The following GCC2 variants were observed in gnomAD, a reference collection of about 807,000 sequenced individuals.
GCC2 encodes the protein GRIP and coiled-coil domain-containing protein 2.
A neutral mutation model predicts 210.6 loss-of-function variants in GCC2; 120 were observed. The observed-to-expected ratio is 0.57, with a 90% CI of 0.49 to 0.66. The LOEUF (loss-of-function observed/expected upper bound fraction) is 0.66. Ranked by LOEUF, GCC2 falls within the 30% of genes least tolerant of loss-of-function variation. The probability of loss-of-function intolerance (pLI) is 0.00; values close to 1 mark genes in which losing one functional copy is unlikely to be tolerated. For missense variants in GCC2, 1,868 were observed against 1,871.9 expected (o/e 1.00, Z 0.04); for synonymous variants, 703 against 652.7 (o/e 1.08, Z -1.17).
rs1682113356 is a variant in GCC2 at position 108,485,825 on chromosome 2, C to G, written c.3715-6C>G. ...AAAAAATTTAACCAAGATTCTCATTCTATAGGAAACTGATCACTTAATACT... is the reference window on the plus strand; with the variant it reads ...AAAAAATTTAACCAAGATTCTCATTGTATAGGAAACTGATCACTTAATACT... On this transcript the variant is annotated splice_polypyrimidine_tract_variant and splice_region_variant and intron_variant, in intron 14 of 22. Coordinates refer to ENST00000309863, the MANE Select transcript of GCC2 (RefSeq NM_181453.4). 2 of 1,549,404 alleles carry G rather than the reference C, an allele frequency of 1.3e-6. No individual in the cohort carries two copies. Among genetic ancestry groups the G allele is most frequent in the South Asian group, 1.2e-5 (1 of 83,240 alleles).
At chr2:108,459,727 G>T (rs1226788762) in intron 4 of GCC2, among the ~76,000 whole-genome samples, 1 of 97,034 alleles carries the variant, frequency 1.0e-5, no homozygotes, top group South Asian at 4.5e-4. Flanking sequence ...TTTGCCATTA[G>T]ATAATGACCT....
rs755657988 is a variant in GCC2, at chr2:108,451,054, C to T, written c.90C>T (p.Leu30=). The T allele has an allele frequency of 1.2e-6, 2 of 1,612,902 alleles. No individual in the cohort carries two copies. Among genetic ancestry groups the T allele is most frequent in the South Asian group, 2.2e-5 (2 of 91,060 alleles). ...SKLETLPKED[L]IKFAKKQMML... ...TGGAAACATTGCCCAAAGAAGACCT[C>T]ATCAAGTTTGCCAAGAAACAGATGA... Residue 30 remains leucine, a synonymous_variant, in exon 3 of 23, where the codon CTC becomes CTT. Transcript: ENST00000309863.
rs759383108 is a variant in GCC2 at position 108,497,061 on chromosome 2, G to A, written c.4734G>A (p.Leu1578=). ...AAAGTGCAGATCACTTAAACGGCCTGCTTCGGGAAACAGAAGCAACCAATG... is the reference window on the plus strand; with the variant it reads ...AAAGTGCAGATCACTTAAACGGCCTACTTCGGGAAACAGAAGCAACCAATG... ...TTKSADHLNG[L]LRETEATNAI... The change falls in exon 21 of 23, where the codon CTG becomes CTA. Residue 1578 remains leucine, a synonymous_variant. Coordinates refer to ENST00000309863, the MANE Select transcript of GCC2 (RefSeq NM_181453.4). 1.2e-6 allele frequency: 2 copies of A among 1,612,000 alleles called. No homozygotes were observed. The highest frequency in any genetic ancestry group is 1.7e-6 in the Non-Finnish European group (2 of 1,179,876).
At chr2:108,501,732 A>G (rs1434012748) in intron 22 of GCC2, among the ~76,000 whole-genome samples, 8 of 152,156 alleles carry the variant, frequency 5.3e-5, no homozygotes, top group Admixed American at 3.3e-4. Context: ...ATTTTTAGCA[A>G]TTTGTTGCTG....
chr2:108,472,584 G>A (rs1681294663), intron 6 of GCC2, among the ~76,000 whole-genome samples: 1 of 149,758 alleles, frequency 6.7e-6, no homozygotes, highest in Non-Finnish European at 1.5e-5. Context: ...GTATCAGGTT[G>A]TTTATCTTGG....
rs1303729934 is a variant in GCC2 at position 108,453,951 on chromosome 2, C to T, written c.216+1485C>T. 2.0e-5 allele frequency among the ~76,000 whole-genome samples: 3 copies of T among 151,994 alleles called. No homozygotes were observed. The East Asian group carries it at 5.8e-4, about 29-fold the overall frequency. On this transcript the variant is annotated intron_variant, in intron 4 of 22. Transcript: ENST00000309863. ...GAGCTCTGAAATACTGTTTTCACTG[C>T]TTTTGCATAATATCCGTTGGTTATA...
chr2:108,485,751 C>T lies in GCC2; in HGVS notation c.3714+15C>T. ...CAAAGCAAGCAGTATGTTAATTTTT[C>T]AGTTTCATATTTAGTACTTATTCAT... On this transcript the variant is annotated intron_variant, in intron 14 of 22. Transcript: ENST00000309863. The T allele has an allele frequency of 1.3e-6, 2 of 1,522,956 alleles. No homozygotes were observed. The highest frequency in any genetic ancestry group is 1.8e-6 in the Non-Finnish European group (2 of 1,117,552). 94.3% of individuals were successfully genotyped at this position (1,522,956 alleles called of 1,614,324 possible).
chr2:108,459,899 C>T (rs945072783), intron 4 of GCC2, among the ~76,000 whole-genome samples: 2 of 151,908 alleles, frequency 1.3e-5, no homozygotes, highest in African/African-American at 4.8e-5. Context: ...CGCTGCCAGG[C>T]TGGAGTGCAG....
chr2:108,460,186 C>T (rs1680491524), intron 4 of GCC2, among the ~76,000 whole-genome samples: 1 of 152,158 alleles, frequency 6.6e-6, no homozygotes, highest in African/African-American at 2.4e-5. Flanking sequence ...GTTCTCTCTG[C>T]TCATTTGGTT....
At chr2:108,455,539 A>G (rs1680229845) in intron 4 of GCC2, among the ~76,000 whole-genome samples, 1 of 151,116 alleles carries the variant, frequency 6.6e-6, no homozygotes, top group South Asian at 2.1e-4. Flanking sequence ...ATACGTATTC[A>G]TGGGGTACAT....
At chr2:108,494,662 G>C (rs1023941859) in intron 19 of GCC2, 4 of 152,150 alleles carry the variant, frequency 2.6e-5, no homozygotes, top group Admixed American at 1.3e-4. Flanking sequence ...GTATTTAGCA[G>C]TAGTTTGGCC....
intron 4 of GCC2, among the ~76,000 whole-genome samples, chr2:108,459,739 C>A (rs1182633149): frequency 1.1e-3 from 19 of 18,086 alleles, no homozygotes; most frequent in Non-Finnish European, 2.0e-3. Context: ...TAATGACCTT[C>A]TTTGTCTTTT....
intron 6 of GCC2, among the ~76,000 whole-genome samples, chr2:108,472,317 C>T (rs1681276179): frequency 6.6e-6 from 1 of 151,980 alleles, no homozygotes; most frequent in South Asian, 2.1e-4. Context: ...GTTTTAGATA[C>T]TTTTAAAATC....
At chr2:108,488,699 A>AAG (rs144911967) in intron 17 of GCC2, among the ~76,000 whole-genome samples, 1 of 151,546 alleles carries the variant, frequency 6.6e-6, no homozygotes, top group Non-Finnish European at 1.5e-5. Context: ...TACTGGGAGT[A>AAG]AGAGAGAGAG....
In GCC2 at chr2:108,471,830, G is replaced by T; in HGVS notation, c.2501G>T (p.Arg834Ile). ...VQCEELKSLL[R>I]DYEQEKVLLR... Reference sequence around the variant, plus strand: ...TGTGAAGAACTTAAGTCTTTATTGAGAGACTATGAGCAAGAGAAAGTTCTC... The same window carrying T: ...TGTGAAGAACTTAAGTCTTTATTGATAGACTATGAGCAAGAGAAAGTTCTC... Residue 834 changes from arginine to isoleucine, a missense_variant, in exon 6 of 23, where the codon AGA becomes ATA. By Grantham distance (97) the Arg-to-Ile change is moderately conservative (BLOSUM62 -3). This residue lies in a region of GCC2 where 1,847 missense variants were observed against 1,765.2 expected (regional missense o/e 1.05). Transcript: ENST00000309863. 6.2e-7 allele frequency: 1 copy of T among 1,613,452 alleles called. No individual in the cohort carries two copies. Among genetic ancestry groups the T allele is most frequent in the Non-Finnish European group, 8.5e-7 (1 of 1,179,580 alleles).
chr2:108,477,919 A>T (rs1444471754), intron 9 of GCC2, among the ~76,000 whole-genome samples: 1 of 152,134 alleles, frequency 6.6e-6, no homozygotes, highest in East Asian at 1.9e-4. Context: ...GGTGGCACAC[A>T]CCTGTAGTCC....
Position 108,470,443 on chromosome 2 carries a change from A to G in GCC2, c.1114A>G (p.Ile372Val), listed in dbSNP as rs1193332313. Residue 372 changes from isoleucine (I) to valine (V), a missense_variant, in exon 6 of 23, where the codon ATA becomes GTA. By Grantham distance (29) the Ile-to-Val change is conservative (BLOSUM62 3). This residue lies in a region of GCC2 where 1,847 missense variants were observed against 1,765.2 expected (regional missense o/e 1.05). Transcript: ENST00000309863. Reference protein sequence around the residue: ...KLKLEMDAQHIKDEFFHERED... With the variant: ...KLKLEMDAQHVKDEFFHERED... ...AAAACTTGAAATGGATGCTCAACAT[A>G]TAAAGGATGAGTTTTTTCATGAACG... The G allele has an allele frequency of 6.2e-7, 1 of 1,606,404 alleles. No homozygotes were observed. The highest frequency in any genetic ancestry group is 8.5e-7 in the Non-Finnish European group (1 of 1,173,598).
intron 19 of GCC2, chr2:108,493,887 A>T (rs2917993): frequency 1.6e-5 from 16 of 985,058 alleles, no homozygotes; most frequent in Non-Finnish European, 1.8e-5. Flanking sequence ...CCCAGGAAAA[A>T]GCTTCAAAAA....
chr2:108,474,015 G>A (rs1190462323), intron 7 of GCC2, among the ~76,000 whole-genome samples: 3 of 151,328 alleles, frequency 2.0e-5, no homozygotes, highest in African/African-American at 4.8e-5. Context: ...AAAATTAGCC[G>A]GGCGTTGTGG....
Sources: gnomAD v4.1 joint callset for allele counts (sites outside exome capture counted in the v4.1 genomes callset) on GRCh38, gnomAD v4.1.1 for gene constraint, gnomAD v4.1.1 regional missense constraint, MANE v1.5 for transcripts, NCBI Gene and HGNC (gene_info 2026-07-23, HGNC 2026-07-21) for gene names.